POLE: variants seen among roughly 807,000 people sequenced by gnomAD.
POLE encodes the protein DNA polymerase epsilon, catalytic subunit, also known as DNA polymerase epsilon catalytic subunit A.
In POLE, 188 loss-of-function variants were observed where a neutral mutation model predicts 279.2. The observed-to-expected ratio is 0.67, with a 90% CI of 0.60 to 0.76. The LOEUF (loss-of-function observed/expected upper bound fraction) is 0.76, where lower values mean the gene tolerates loss of function less well. Ranked by LOEUF, POLE falls within the 30% of genes least tolerant of loss-of-function variation. POLE has a pLI of 0.00. For synonymous variants in POLE, 1,214 were observed against 1,172.5 expected, an observed-to-expected ratio of 1.04 and a Z score of -0.72; for missense variants, 2,703 against 3,016.7, an observed-to-expected ratio of 0.90 and a Z score of 2.44.
At chr12:132,676,386 A>G in intron 9 of POLE, 160 bp downstream of exon 9, 1 of 710,700 alleles carries the variant, frequency 1.4e-6, no homozygotes. Flanking sequence ...TCGAAAGGGG[A>G]GGGTACAGCT....
intron 1 of POLE, among the ~76,000 whole-genome samples, chr12:132,685,581 G>A (rs894895208): frequency 2.6e-5 from 4 of 152,248 alleles, no homozygotes; most frequent in African/African-American, 9.6e-5. Flanking sequence ...TATCCCAGCA[G>A]CAGCCTTCCC....
chr12:132,657,059 C>A, intron 29 of POLE, 77 bp downstream of exon 29: 2 of 1,498,242 alleles, frequency 1.3e-6, no homozygotes, highest in Non-Finnish European at 1.8e-6. Flanking sequence ...CTACAGCACA[C>A]ACAGCAGCGC....
chr12:132,641,319 A>G (rs1458446564), intron 39 of POLE: 2 of 414,186 alleles, frequency 4.8e-6, no homozygotes, highest in South Asian at 2.1e-5. Context: ...TGCCTCACAC[A>G]TCATACTCAG....
intron 41 of POLE, among the ~76,000 whole-genome samples, chr12:132,637,452 G>C (rs903953412): frequency 2.0e-5 from 3 of 152,222 alleles, no homozygotes; most frequent in Non-Finnish European, 4.4e-5. Context: ...TGCTGGTGGA[G>C]ATTTTTCTGT....
Position 132,687,286 on chromosome 12 carries a change from G to T in POLE, c.30C>A (p.Arg10=), listed in dbSNP as rs1555231425. The T allele has an allele frequency of 1.3e-6, 2 of 1,502,644 alleles. No individual in the cohort carries two copies. Among genetic ancestry groups the T allele is most frequent in the Non-Finnish European group, 8.9e-7 (1 of 1,127,788 alleles). 93.1% of individuals were successfully genotyped at this position (1,502,644 alleles called of 1,614,324 possible). Residue 10 remains arginine (R), a synonymous_variant, in exon 1 of 49, where the codon CGC becomes CGA. Coordinates refer to ENST00000320574, the MANE Select transcript of POLE (RefSeq NM_006231.4). ...CCTCGCCATCCGCGCCTGGGTCCGC[G>T]CGCCGCCGCCCGCCGCTCCTCAGAG... MSLRSGGRR[R]ADPGADGEAS... is the part of the protein sequence containing the mutation.
At chr12:132,681,074 G>A (rs2043155094) in intron 2 of POLE, 64 bp downstream of exon 2, 1 of 1,582,242 alleles carries the variant, frequency 6.3e-7, no homozygotes, top group South Asian at 1.1e-5. Context: ...TTTAGATAAG[G>A]ACCACGCTAT....
rs1378324919 is a variant in POLE, at chr12:132,623,807, T to C, written c.*890A>G. On this transcript the variant is annotated 3_prime_UTR_variant, in exon 49 of 49. Transcript: ENST00000320574. Reference sequence around the variant, plus strand: ...AAATAAAAACAAAGTGTAGCAGCGATGGCCTCAGACAGTAGATGGCAGGGA... The same window carrying C: ...AAATAAAAACAAAGTGTAGCAGCGACGGCCTCAGACAGTAGATGGCAGGGA... The C allele has an allele frequency of 1.6e-5, 3 of 191,786 alleles. No individual in the cohort carries two copies. The highest frequency in any genetic ancestry group is 8.2e-5 in the East Asian group (1 of 12,200). The allele number at this position is 191,786 out of a possible 1,614,324, so 11.9% of individuals were successfully genotyped here.
chr12:132,624,857 G>C (rs78686967), intron 48 of POLE, 47 bp from the exon 49 acceptor site: 2 of 1,157,534 alleles, frequency 1.7e-6, no homozygotes, highest in Non-Finnish European at 2.4e-6. Flanking sequence ...ACTCAGAGAG[G>C]AGGCCAAGGA....
At chr12:132,625,615 G>A in intron 47 of POLE, 30 bp downstream of exon 47, 2 of 1,610,656 alleles carry the variant, frequency 1.2e-6, no homozygotes, top group South Asian at 2.2e-5. Context: ...GGACTCCAGG[G>A]CACACGGGCA....
chr12:132,669,784 G>A (rs984431009), intron 16 of POLE, among the ~76,000 whole-genome samples: 1 of 152,200 alleles, frequency 6.6e-6, no homozygotes, highest in Non-Finnish European at 1.5e-5. Context: ...CATGCCCCAC[G>A]TGGCTGTGAG....
rs2136029510 is a variant in POLE at position 132,680,164 on chromosome 12, T to C, written c.330+14A>G. ...ACACAGGTCGTCTGACCTGAGTCTA[T>C]GAAACACACTCACCTTTCTGGTCGC... On this transcript the variant is annotated intron_variant, in intron 4 of 48. Coordinates refer to ENST00000320574, the MANE Select transcript of POLE (RefSeq NM_006231.4). 6.2e-7 allele frequency: 1 copy of C among 1,613,680 alleles called. No individual in the cohort carries two copies. Among genetic ancestry groups the C allele is most frequent in the Non-Finnish European group, 8.5e-7 (1 of 1,179,522 alleles).
Position 132,664,024 on chromosome 12 carries a change from T to C in POLE, c.2686A>G (p.Met896Val). 2 of 1,614,180 alleles carry C rather than the reference T, an allele frequency of 1.2e-6. No individual in the cohort carries two copies. The highest frequency in any genetic ancestry group is 1.1e-5 in the South Asian group (1 of 91,086). ...PKVTISYPGA[M>V]LNIMVKEGFT... ...CTCACCTTGACCATGATGTTCAACA[T>C]GGCGCCTGGGTAGGAGATGGTCACT... Residue 896 changes from methionine to valine, a missense_variant, in exon 23 of 49, where the codon ATG (methionine) becomes GTG (valine). Met to Val is a conservative substitution (Grantham distance 21, BLOSUM62 1). Transcript: ENST00000320574. The surrounding 1 kb of genome is among the most constrained non-coding windows in gnomAD (Gnocchi z 5.3).
At chr12:132,665,280 T>TCCCGGG (rs747744947) in intron 21 of POLE, 22 bp downstream of exon 21, 127 of 1,608,390 alleles carry the variant, frequency 7.9e-5, no homozygotes, top group Admixed American at 3.5e-4. Flanking sequence ...CATAAGCCTC[T>TCCCGGG]CCCGGGCCCG....
At chr12:132,647,292 C>T (rs938373692) in intron 32 of POLE, among the ~76,000 whole-genome samples, 9 of 151,946 alleles carry the variant, frequency 5.9e-5, no homozygotes, top group Middle Eastern at 3.4e-3. Flanking sequence ...GAGTGAGAGA[C>T]CTTCTCAAAA....
At position 132,625,789 on chromosome 12, in the gene POLE, C is replaced by T. The variant is rs201114228; in HGVS notation, c.6532-19G>A. On this transcript the variant is annotated intron_variant, in intron 46 of 48. Transcript: ENST00000320574. ...CCCCATCCTAGGCAGAGCAAGAGTG[C>T]GAGAGGTCACCAGCCCAGCCTCCAG... is the stretch of plus-strand genomic sequence containing the variant. The T allele has an allele frequency of 1.6e-5, 25 of 1,604,942 alleles. 1 individual carries two copies. Among genetic ancestry groups the T allele is most frequent in the Middle Eastern group, 1.7e-4 (1 of 6,050 alleles).
At chr12:132,647,951 A>C (rs2138588837) in intron 32 of POLE, among the ~76,000 whole-genome samples, 1 of 152,270 alleles carries the variant, frequency 6.6e-6, no homozygotes, top group Non-Finnish European at 1.5e-5. Context: ...CCTGGCTGGA[A>C]TCGAGTTTCA....
chr12:132,634,479 C>G lies in POLE; in HGVS notation c.5812-101G>C. On this transcript the variant is annotated intron_variant, in intron 42 of 48. Transcript: ENST00000320574. The surrounding 1 kb of genome is among the most constrained non-coding windows in gnomAD (Gnocchi z 4.0). ...CTCCTCCAACCTGGGTCCATCTGCC[C>G]CGTTTGACCAGAGGCCTTCCTCGCA... The G allele has an allele frequency of 2.6e-6, 3 of 1,167,884 alleles. No individual in the cohort carries two copies. The highest frequency in any genetic ancestry group is 3.7e-6 in the Non-Finnish European group (3 of 811,612). 72.3% of individuals were successfully genotyped at this position (1,167,884 alleles called of 1,614,324 possible).
In POLE at chr12:132,677,389, G is replaced by A. The variant is rs777638541; in HGVS notation, c.775C>T (p.Arg259Cys). Residue 259 changes from arginine to cysteine, a missense_variant, in exon 8 of 49, where the codon CGC (arginine) becomes TGC (cysteine). This residue lies in a region of POLE where 1,011 missense variants were observed against 1,111.7 expected (regional missense o/e 0.91). Transcript: ENST00000320574. ...GGTCGTTCAACAAGGTCATCTCGGC[G>A]GGTGATTTCTACCGGAAAAGCATTT... ...RGNAFPVEIT[R>C]RDDLVERPDP... 1.1e-5 allele frequency: 17 copies of A among 1,613,840 alleles called. No individual in the cohort carries two copies. The highest frequency in any genetic ancestry group is 1.7e-5 in the Admixed American group (1 of 59,996).
intron 23 of POLE, among the ~76,000 whole-genome samples, chr12:132,662,978 G>A (rs1041780841): frequency 6.6e-6 from 1 of 152,270 alleles, no homozygotes; most frequent in Non-Finnish European, 1.5e-5. Context: ...TAGAAGGAAT[G>A]AAGGAAACAG....
Sources: allele counts gnomAD v4.1 joint callset (sites outside exome capture counted in the v4.1 genomes callset), GRCh38; gene constraint gnomAD v4.1.1; regional missense constraint gnomAD v4.1.1; non-coding constraint Gnocchi (gnomAD v3.1); transcripts MANE v1.5; gene names NCBI Gene and HGNC (gene_info 2026-07-23, HGNC 2026-07-21).